The following CDHR2 variants were observed in gnomAD, a reference collection of about 807,000 sequenced individuals.
CDHR2 encodes cadherin related family member 2.
A neutral mutation model predicts 138.6 loss-of-function variants in CDHR2; 104 were observed. The ratio of observed to expected loss-of-function variants is 0.75; its 90% confidence interval spans 0.64 to 0.88. The LOEUF (loss-of-function observed/expected upper bound fraction) is 0.88, where lower values mean the gene tolerates loss of function less well. Ranked by LOEUF, CDHR2 falls within the 40% of genes least tolerant of loss-of-function variation. The pLI, the probability that CDHR2 is intolerant of heterozygous loss-of-function variation, is 0.00. For synonymous variants in CDHR2, 755 were observed against 742.8 expected (o/e 1.02, Z -0.27); for missense variants, 1,624 against 1,727.6 (o/e 0.94, Z 1.06).
chr5:176,581,712 C>G, intron 17 of CDHR2, 130 bp downstream of exon 17: 1 of 1,222,126 alleles, frequency 8.2e-7, no homozygotes, highest in Non-Finnish European at 1.1e-6. Flanking sequence ...CTCGTATGGC[C>G]CCAGGCAATT....
chr5:176,567,017 C>T (rs764128210), intron 3 of CDHR2: 1 of 456,250 alleles, frequency 2.2e-6, no homozygotes, highest in South Asian at 1.5e-5. Flanking sequence ...TTGACAAATA[C>T]AAAACCTGTG....
At chr5:176,568,520 A>T (rs1157292586) in intron 3 of CDHR2, among the ~76,000 whole-genome samples, 158 bp from the exon 4 acceptor site, 1 of 152,208 alleles carries the variant, frequency 6.6e-6, no homozygotes, top group East Asian at 1.9e-4. Flanking sequence ...GGAAATCAGG[A>T]TGCTGCTGAC....
At chr5:176,584,125 T>C (rs1489686211) in intron 17 of CDHR2, 65 bp from the exon 18 acceptor site, 1 of 1,368,616 alleles carries the variant, frequency 7.3e-7, no homozygotes, top group Non-Finnish European at 1.0e-6. Context: ...ATTATTGGTT[T>C]CTCGGATTGG....
intron 19 of CDHR2, among the ~76,000 whole-genome samples, 176 bp from the exon 20 acceptor site, chr5:176,585,778 T>TGGGGTTGAGGCTGCGGGGCAC (rs1561879445): frequency 2.8e-5 from 4 of 142,498 alleles, no homozygotes; most frequent in East Asian, 2.0e-4. Flanking sequence ...CTGCGGGGCA[T>TGGGGTTGAGGCTGCGGGGCAC]GGGGTTGAGG....
At chr5:176,572,154 T>C (rs10070705) in intron 6 of CDHR2, among the ~76,000 whole-genome samples, 36,427 of 147,424 alleles carry the variant, frequency 0.25, 4,717 homozygotes, top group East Asian at 0.48. Flanking sequence ...GAGGCTGAGG[T>C]GGGCGGATCA....
At chr5:176,592,585 G>C in intron 30 of CDHR2, 138 bp from the exon 31 acceptor site, 2 of 706,440 alleles carry the variant, frequency 2.8e-6, no homozygotes, top group Non-Finnish European at 5.2e-6. Context: ...TGGTAGTTGT[G>C]ATGATGGTGG....
Position 176,576,195 on chromosome 5 carries a change from G to A in CDHR2, c.1194+10G>A, listed in dbSNP as rs1429712621. 6.2e-7 allele frequency: 1 copy of A among 1,600,522 alleles called. No individual in the cohort carries two copies. Among genetic ancestry groups the A allele is most frequent in the Non-Finnish European group, 8.5e-7 (1 of 1,173,300 alleles). On this transcript the variant is annotated intron_variant, in intron 12 of 31. Coordinates refer to ENST00000261944, the MANE Select transcript of CDHR2 (RefSeq NM_017675.6). This position sits in a 1 kb window ranked among gnomAD's most constrained non-coding sequence, Gnocchi z 4.5. The stretch of plus-strand genomic sequence containing the variant: ...CTACGACCCGGACAAGGCAGGCGTG[G>A]TGGCGTGGGTGTGGGCGGGGGTGGC...
chr5:176,550,007 A>C (rs906281559), intron 1 of CDHR2, among the ~76,000 whole-genome samples: 2 of 152,160 alleles, frequency 1.3e-5, no homozygotes, highest in Non-Finnish European at 2.9e-5. Flanking sequence ...GGCTGGCCCC[A>C]GCTCTGCCCA....
chr5:176,544,489 GAGT>G (rs1316835148), upstream of CDHR2, among the ~76,000 whole-genome samples: 1 of 110,676 alleles, frequency 9.0e-6, no homozygotes, highest in Non-Finnish European at 1.9e-5. Flanking sequence ...GCCCAGGCTG[GAGT>G]GCAGTGGCGC....
intron 21 of CDHR2, among the ~76,000 whole-genome samples, chr5:176,588,199 C>T (rs1345339221): frequency 5.9e-5 from 8 of 136,214 alleles, no homozygotes; most frequent in Admixed American, 4.2e-4. Flanking sequence ...TGTGTGTGCA[C>T]GCCAGTGTGT....
intron 16 of CDHR2, 146 bp from the exon 17 acceptor site, chr5:176,581,197 A>G (rs1758520534): frequency 4.8e-6 from 5 of 1,050,200 alleles, no homozygotes; most frequent in Admixed American, 2.7e-5. Flanking sequence ...TAGATGGGAA[A>G]CTGGGGCTGG....
At chr5:176,568,400 T>G (rs1273085208) in intron 3 of CDHR2, among the ~76,000 whole-genome samples, 1 of 152,192 alleles carries the variant, frequency 6.6e-6, no homozygotes, top group East Asian at 1.9e-4. Flanking sequence ...GGAAACTCGG[T>G]ATTCTGGAGA....
upstream of CDHR2, among the ~76,000 whole-genome samples, chr5:176,544,650 G>T (rs1757545870): frequency 6.6e-6 from 1 of 152,072 alleles, no homozygotes; most frequent in East Asian, 1.9e-4. Flanking sequence ...ATGTTGGCCA[G>T]GCTAGTCTTG....
At position 176,557,927 on chromosome 5, in the gene CDHR2, C is replaced by G. The variant is rs115226738; in HGVS notation, c.-15-7411C>G. 2.6e-3 allele frequency among the ~76,000 whole-genome samples: 400 copies of G among 151,620 alleles called. 1 individual carries two copies. Among genetic ancestry groups the G allele is most frequent in the Middle Eastern group, 0.014 (4 of 294 alleles). ...TTTGCCATGTTAGCCAGGCTGGTCT[C>G]AAACTCCAGACCGCGTGATCCACCC... On this transcript the variant is annotated intron_variant, in intron 1 of 31. Coordinates refer to ENST00000261944, the MANE Select transcript of CDHR2 (RefSeq NM_017675.6).
rs568945065 is a variant in CDHR2 at position 176,581,713 on chromosome 5, C to T, written c.2058+131C>T. 1.1e-3 allele frequency: 1,382 copies of T among 1,212,308 alleles called. 9 individuals are homozygous for T. Among genetic ancestry groups the T allele is most frequent in the Middle Eastern group, 7.0e-3 (25 of 3,580 alleles). The allele number at this position is 1,212,308 out of a possible 1,614,324, so 75.1% of individuals were successfully genotyped here. ...TACAATCCCGCTCACTCGTATGGCC[C>T]CAGGCAATTACTCAACCTCCCTAGG... On this transcript the variant is annotated intron_variant, in intron 17 of 31. Coordinates refer to ENST00000261944, the MANE Select transcript of CDHR2 (RefSeq NM_017675.6).
At chr5:176,595,848 C>A, downstream of CDHR2, 1 of 597,798 alleles carries the variant, frequency 1.7e-6, no homozygotes, top group Non-Finnish European at 2.6e-6. Flanking sequence ...AGTTTGTAGC[C>A]AAAAACTGCG....
chr5:176,545,072 C>A (rs927840739), upstream of CDHR2, among the ~76,000 whole-genome samples: 3 of 152,144 alleles, frequency 2.0e-5, no homozygotes, highest in Admixed American at 2.0e-4. Flanking sequence ...GCAGTGGGTG[C>A]ACATAGCAGA....
At chr5:176,560,391 T>G (rs1406035334) in intron 1 of CDHR2, among the ~76,000 whole-genome samples, 4 of 151,276 alleles carry the variant, frequency 2.6e-5, no homozygotes. Flanking sequence ...AGTAAAACTC[T>G]GTCTCAATAA....
chr5:176,591,793 T>G (rs13178089), intron 30 of CDHR2: 1 of 369,588 alleles, frequency 2.7e-6, no homozygotes, highest in Non-Finnish European at 5.1e-6. Context: ...GGTGGTGGTG[T>G]TGGTGTTGAG....
Sources: allele counts gnomAD v4.1 joint callset (sites outside exome capture counted in the v4.1 genomes callset), GRCh38; gene constraint gnomAD v4.1.1; non-coding constraint Gnocchi (gnomAD v3.1); transcripts MANE v1.5; gene names NCBI Gene and HGNC (gene_info 2026-07-23, HGNC 2026-07-21).